Variants in CACNB4 observed in about 807,000 individuals in gnomAD.
CACNB4 encodes voltage-dependent L-type calcium channel subunit beta-4.
A neutral mutation model predicts 71.2 loss-of-function variants in CACNB4; 32 were observed. The observed-to-expected ratio is 0.45, with a 90% CI of 0.34 to 0.60. CACNB4 has a LOEUF of 0.60. Ranked by LOEUF, CACNB4 falls within the 20% of genes least tolerant of loss-of-function variation. The pLI, the probability that CACNB4 is intolerant of heterozygous loss-of-function variation, is 0.01. For missense variants in CACNB4, 464 were observed against 647.9 expected (o/e 0.72, Z 3.08); for synonymous variants, 231 against 236.9 (o/e 0.97, Z 0.23).
chr2:151,834,078 G>T lies in CACNB4; in HGVS notation c.*5041C>A, dbSNP rs937728253. On this transcript the variant is annotated 3_prime_UTR_variant, in exon 14 of 14. Coordinates refer to ENST00000539935, the MANE Select transcript of CACNB4 (RefSeq NM_000726.5). ...CAAAGTGGCATGCAAGTAGGGCAAG[G>T]GTGGCCCCTACATAAATATAGACAT... 2.6e-5 allele frequency: 4 copies of T among 151,994 alleles called. No homozygotes were observed. Among genetic ancestry groups the T allele is most frequent in the African/African-American group, 9.7e-5 (4 of 41,404 alleles). 9.4% of individuals were successfully genotyped at this position (151,994 alleles called of 1,614,324 possible). A position where few individuals can be genotyped will look rare whatever the true frequency, so the allele number is the denominator to read the frequency against.
chr2:152,007,146 C>T (rs1682774994), intron 2 of CACNB4, among the ~76,000 whole-genome samples: 1 of 152,174 alleles, frequency 6.6e-6, no homozygotes, highest in African/African-American at 2.4e-5. Flanking sequence ...AACTCTACCA[C>T]CTATTGTATT....
chr2:152,089,507 G>A (rs1346951563), intron 2 of CACNB4, among the ~76,000 whole-genome samples: 1 of 152,162 alleles, frequency 6.6e-6, no homozygotes, highest in South Asian at 2.1e-4. Context: ...TCATCTCAGA[G>A]GATACATGTT....
chr2:152,041,258 G>A (rs1310643642), intron 2 of CACNB4, among the ~76,000 whole-genome samples: 1 of 152,178 alleles, frequency 6.6e-6, no homozygotes, highest in East Asian at 1.9e-4. Context: ...TTTCACTGCA[G>A]AATCCTTTGT....
chr2:151,872,515 A>C (rs1405045296), intron 5 of CACNB4, 22 bp from the exon 6 acceptor site: 2 of 1,279,732 alleles, frequency 1.6e-6, no homozygotes, highest in African/African-American at 2.9e-5. Context: ...AAAAGGAACT[A>C]AAGACTCACT....
chr2:152,085,915 T>C (rs947863352), intron 2 of CACNB4, among the ~76,000 whole-genome samples: 6 of 151,938 alleles, frequency 3.9e-5, no homozygotes, highest in African/African-American at 1.4e-4. Flanking sequence ...ACATTTATTA[T>C]ACCACAATAA....
At chr2:151,926,494 T>A (rs1403087175) in intron 2 of CACNB4, among the ~76,000 whole-genome samples, 1 of 152,188 alleles carries the variant, frequency 6.6e-6, no homozygotes, top group Non-Finnish European at 1.5e-5. Context: ...GGAATTTTGC[T>A]ATAAAAAGCA....
intron 12 of CACNB4, among the ~76,000 whole-genome samples, chr2:151,847,313 A>C (rs1402665696): frequency 6.6e-6 from 1 of 151,976 alleles, no homozygotes; most frequent in Non-Finnish European, 1.5e-5. Flanking sequence ...TGGGGAGGTC[A>C]TGATTGCACC....
At chr2:152,033,370 C>T (rs914676191) in intron 2 of CACNB4, among the ~76,000 whole-genome samples, 7 of 152,174 alleles carry the variant, frequency 4.6e-5, no homozygotes, top group African/African-American at 2.4e-5. Flanking sequence ...TGAGGGGATG[C>T]GACCAGCATC....
intron 2 of CACNB4, among the ~76,000 whole-genome samples, chr2:152,078,351 C>T (rs369530467): frequency 2.0e-4 from 30 of 152,262 alleles, no homozygotes; most frequent in Non-Finnish European, 3.4e-4. Flanking sequence ...CCAAATATGT[C>T]GACTACCAAA....
At chr2:152,070,152 AAT>A (rs1483129262) in intron 2 of CACNB4, among the ~76,000 whole-genome samples, 1 of 152,090 alleles carries the variant, frequency 6.6e-6, no homozygotes, top group Non-Finnish European at 1.5e-5. Context: ...CAACTTCATC[AAT>A]ATTTACAGCT....
chr2:151,951,516 C>T lies in CACNB4; in HGVS notation c.148-68146G>A, dbSNP rs143850441. ...CAGAAAGATCAGTGAGAATAGGTTTCGGTGTGCTCCTTTGAGTGATGGAAC... is the reference window on the plus strand; with the variant it reads ...CAGAAAGATCAGTGAGAATAGGTTTTGGTGTGCTCCTTTGAGTGATGGAAC... On this transcript the variant is annotated intron_variant, in intron 2 of 13. Transcript: ENST00000539935. Among the ~76,000 whole-genome samples the T allele has an allele frequency of 8.5e-3, 1,301 of 152,218 alleles. 14 individuals carry two copies. The highest frequency in any genetic ancestry group is 0.029 in the African/African-American group (1,205 of 41,530).
intron 2 of CACNB4, among the ~76,000 whole-genome samples, chr2:151,921,315 A>C (rs2099858964): frequency 6.6e-6 from 1 of 152,188 alleles, no homozygotes; most frequent in African/African-American, 2.4e-5. Context: ...AATGAATATC[A>C]AATGGTGAAT....
chr2:152,001,335 A>G (rs942998148), intron 2 of CACNB4, among the ~76,000 whole-genome samples: 4 of 151,864 alleles, frequency 2.6e-5, no homozygotes, highest in Non-Finnish European at 5.9e-5. Flanking sequence ...AAAGGCAGGG[A>G]GATGAAATGT....
At chr2:152,015,256 C>T (rs1055255308) in intron 2 of CACNB4, among the ~76,000 whole-genome samples, 13 of 152,252 alleles carry the variant, frequency 8.5e-5, no homozygotes, top group African/African-American at 3.1e-4. Flanking sequence ...CCTCAGCCTC[C>T]TGAGTAGCTG....
At position 151,965,498 on chromosome 2, in the gene CACNB4, A is replaced by C. The variant is rs1483585588; in HGVS notation, c.148-82128T>G. Among the ~76,000 whole-genome samples, 5 of 152,380 alleles carry C rather than the reference A, an allele frequency of 3.3e-5. No homozygotes were observed. In the East Asian group the frequency reaches 9.6e-4, roughly 29 times the overall value. ...TGGTTTTAGGACATCCCAAAGGATA[A>C]TAATAATGAGCTGAAGAAAATTCTG... On this transcript the variant is annotated intron_variant, in intron 2 of 13. Transcript: ENST00000539935.
chr2:151,996,942 C>T (rs1560118372), intron 2 of CACNB4, among the ~76,000 whole-genome samples: 1 of 151,904 alleles, frequency 6.6e-6, no homozygotes, highest in Non-Finnish European at 1.5e-5. Flanking sequence ...AAAAAAATAA[C>T]ACAAACCTAG....
chr2:152,098,567 C>T lies in CACNB4; in HGVS notation c.64-154G>A, dbSNP rs1447255789. The T allele has an allele frequency of 3.6e-6, 3 of 822,880 alleles. No homozygotes were observed. Among genetic ancestry groups the T allele is most frequent in the Middle Eastern group, 2.6e-4 (1 of 3,776 alleles). 51.0% of individuals were successfully genotyped at this position (822,880 alleles called of 1,614,324 possible). On this transcript the variant is annotated intron_variant, in intron 1 of 13. Coordinates refer to ENST00000539935, the MANE Select transcript of CACNB4 (RefSeq NM_000726.5). This position sits in a 1 kb window ranked among gnomAD's most constrained non-coding sequence, Gnocchi z 5.3. Reference sequence around the variant, plus strand: ...TCCTCCGCGACTCCCAAATACAGCCCCCACCCCCACCCACCCACTGCAAGC... The same window carrying T: ...TCCTCCGCGACTCCCAAATACAGCCTCCACCCCCACCCACCCACTGCAAGC...
chr2:152,049,353 T>A (rs1685300720), intron 2 of CACNB4, among the ~76,000 whole-genome samples: 1 of 151,896 alleles, frequency 6.6e-6, no homozygotes, highest in Admixed American at 6.6e-5. Context: ...TCAGTAGAGA[T>A]GGGGTTTTGC....
chr2:151,941,811 T>C (rs773621934), intron 2 of CACNB4, among the ~76,000 whole-genome samples: 15 of 152,160 alleles, frequency 9.9e-5, no homozygotes, highest in Non-Finnish European at 1.6e-4. Flanking sequence ...GTACCAAAAA[T>C]TAATGCCTAG....
Sources: allele counts gnomAD v4.1 joint callset (sites outside exome capture counted in the v4.1 genomes callset), GRCh38; gene constraint gnomAD v4.1.1; non-coding constraint Gnocchi (gnomAD v3.1); transcripts MANE v1.5; gene names NCBI Gene and HGNC (gene_info 2026-07-23, HGNC 2026-07-21).